Variants in PDE4D observed in about 807,000 individuals in gnomAD.
PDE4D encodes the protein 3',5'-cyclic-AMP phosphodiesterase 4D.
A neutral mutation model predicts 87.4 loss-of-function variants in PDE4D; 24 were observed. The observed-to-expected ratio is 0.27, with a 90% CI of 0.20 to 0.39. PDE4D has a LOEUF of 0.39. Among genes scored for constraint, PDE4D ranks in the 10% least tolerant of loss-of-function variants. The pLI, the probability that PDE4D is intolerant of heterozygous loss-of-function variation, is 1.00. For missense variants in PDE4D, 714 were observed against 1,041.0 expected (o/e 0.69, Z 4.32); for synonymous variants, 384 against 383.2 (o/e 1.00, Z -0.02).
At chr5:59,370,501 A>C (rs1197628712) in intron 1 of PDE4D, among the ~76,000 whole-genome samples, 4 of 152,220 alleles carry the variant, frequency 2.6e-5, no homozygotes, top group Non-Finnish European at 5.9e-5. Flanking sequence ...CATTTTGTTA[A>C]GATTTAAATG....
intron 1 of PDE4D, among the ~76,000 whole-genome samples, chr5:59,630,568 T>A (rs1432082042): frequency 6.6e-6 from 1 of 152,202 alleles, no homozygotes; most frequent in Non-Finnish European, 1.5e-5. Context: ...CCATGATTTG[T>A]TTGCTCAATT....
At chr5:60,359,839 C>T (rs1306415346) in intron 1 of PDE4D, among the ~76,000 whole-genome samples, 3 of 152,136 alleles carry the variant, frequency 2.0e-5, no homozygotes, top group Non-Finnish European at 4.4e-5. Context: ...TCCATCTACC[C>T]CCACAAAACA....
chr5:59,370,128 C>T (rs184300047), intron 1 of PDE4D, among the ~76,000 whole-genome samples: 1 of 152,290 alleles, frequency 6.6e-6, no homozygotes, highest in East Asian at 1.9e-4. Flanking sequence ...TCACTACTGT[C>T]TCCTTCCAAG....
chr5:59,166,239 C>G (rs1781907519), intron 5 of PDE4D: 1 of 152,084 alleles, frequency 6.6e-6, no homozygotes, highest in African/African-American at 2.4e-5. Flanking sequence ...TTTAGTGTGC[C>G]ACAATAATTT....
intron 1 of PDE4D, among the ~76,000 whole-genome samples, chr5:60,216,982 A>G (rs1416721043): frequency 6.6e-6 from 1 of 152,088 alleles, no homozygotes; most frequent in African/African-American, 2.4e-5. Context: ...CATCATATAC[A>G]TTCTTCTCAA....
chr5:59,854,174 C>T (rs1411728752), intron 1 of PDE4D, among the ~76,000 whole-genome samples: 2 of 152,052 alleles, frequency 1.3e-5, no homozygotes, highest in South Asian at 2.1e-4. Flanking sequence ...TGGTTATGAG[C>T]GCTTTCTCAT....
intron 2 of PDE4D, among the ~76,000 whole-genome samples, chr5:60,105,521 G>A (rs1213354431): frequency 6.6e-6 from 1 of 152,036 alleles, no homozygotes; most frequent in Non-Finnish European, 1.5e-5. Context: ...ACGCCACAAA[G>A]ATACTCCTCA....
At chr5:59,829,826 G>A (rs766144290) in intron 1 of PDE4D, among the ~76,000 whole-genome samples, 5 of 151,874 alleles carry the variant, frequency 3.3e-5, no homozygotes, top group Non-Finnish European at 5.9e-5. Flanking sequence ...GCAGTAGGGC[G>A]AGAGAGGCCA....
At chr5:59,533,325 A>G (rs1047293916) in intron 1 of PDE4D, among the ~76,000 whole-genome samples, 2 of 152,244 alleles carry the variant, frequency 1.3e-5, no homozygotes, top group African/African-American at 4.8e-5. Flanking sequence ...TGGAACTCAT[A>G]TGCTTATATT....
chr5:60,260,554 A>G (rs1749543120), intron 1 of PDE4D, among the ~76,000 whole-genome samples: 2 of 152,104 alleles, frequency 1.3e-5, no homozygotes. Flanking sequence ...GAAACTTATA[A>G]TCTCAATCTG....
chr5:59,212,130 A>G (rs1271122470), intron 2 of PDE4D, among the ~76,000 whole-genome samples: 1 of 152,176 alleles, frequency 6.6e-6, no homozygotes, highest in Admixed American at 6.5e-5. Flanking sequence ...CAGTTGAATT[A>G]TACACATCAG....
chr5:59,893,185 C>T lies in PDE4D; in HGVS notation c.438G>A (p.Ser146=), dbSNP rs1283170561. The change falls in exon 1 of 15, where the codon TCG becomes TCA. Residue 146 remains serine, a synonymous_variant. Transcript: ENST00000340635. ...CCACTCACCGCCTGAGTCCCTGGAA[C>T]GAGGAGGGCCAGGACATCCTGGATT... is the stretch of plus-strand genomic sequence containing the variant. ...LKKSRMSWPS[S]FQGLRRFDVD... is the part of the protein sequence containing the mutation. 3.2e-6 allele frequency: 5 copies of T among 1,563,430 alleles called. No individual in the cohort carries two copies. Among genetic ancestry groups the T allele is most frequent in the Non-Finnish European group, 3.5e-6 (4 of 1,154,090 alleles).
intron 1 of PDE4D, among the ~76,000 whole-genome samples, chr5:60,319,709 C>G (rs997193618): frequency 6.6e-6 from 1 of 152,306 alleles, no homozygotes; most frequent in South Asian, 2.1e-4. Flanking sequence ...ACAGTTAGGA[C>G]CCTCAGCTTC....
intron 1 of PDE4D, among the ~76,000 whole-genome samples, chr5:60,514,972 A>C (rs2150259451): frequency 6.6e-6 from 1 of 152,276 alleles, no homozygotes; most frequent in African/African-American, 2.4e-5. Flanking sequence ...TTAACCACAA[A>C]GTTTAGCAAG....
intron 5 of PDE4D, among the ~76,000 whole-genome samples, chr5:59,102,843 T>C (rs973069033): frequency 6.6e-6 from 1 of 152,112 alleles, no homozygotes; most frequent in African/African-American, 2.4e-5. Flanking sequence ...GGTAGCTAAA[T>C]AAAGAAGACA....
chr5:59,954,484 T>C (rs1293578064), intron 3 of PDE4D, among the ~76,000 whole-genome samples: 3 of 151,882 alleles, frequency 2.0e-5, no homozygotes, highest in Non-Finnish European at 2.9e-5. Context: ...ACATGGAAGA[T>C]TTAGACCTAA....
At chr5:59,008,375 T>A (rs1034856390) in intron 6 of PDE4D, among the ~76,000 whole-genome samples, 1 of 151,976 alleles carries the variant, frequency 6.6e-6, no homozygotes, top group Non-Finnish European at 1.5e-5. Flanking sequence ...CCTAAAGTAA[T>A]AATAACTAGT....
chr5:59,393,613 C>A (rs538991746), intron 1 of PDE4D, among the ~76,000 whole-genome samples: 16 of 152,322 alleles, frequency 1.1e-4, no homozygotes, highest in Middle Eastern at 3.4e-3. Context: ...TATTTAGGGA[C>A]GTTCCTCTTT....
chr5:59,560,350 C>T (rs1320343007), intron 1 of PDE4D, among the ~76,000 whole-genome samples: 1 of 152,152 alleles, frequency 6.6e-6, no homozygotes, highest in African/African-American at 2.4e-5. Flanking sequence ...GAAAAACATA[C>T]TGTCCTGAAT....
Sources: allele counts gnomAD v4.1 joint callset (sites outside exome capture counted in the v4.1 genomes callset), GRCh38; gene constraint gnomAD v4.1.1; transcripts MANE v1.5; gene names NCBI Gene and HGNC (gene_info 2026-07-23, HGNC 2026-07-21).